OSBPL1A: variants seen among roughly 807,000 people sequenced by gnomAD.
The protein encoded by OSBPL1A is oxysterol-binding protein-related protein 1.
OSBPL1A carries 80 observed loss-of-function variants against 137.1 expected under a neutral mutation model. The ratio of observed to expected loss-of-function variants is 0.58; its 90% CI spans 0.49 to 0.70. The LOEUF (loss-of-function observed/expected upper bound fraction) is 0.70. OSBPL1A is among the 30% of genes least tolerant of loss of function. OSBPL1A has a pLI of 0.00. For synonymous variants in OSBPL1A, 365 were observed against 389.7 expected, an observed-to-expected ratio of 0.94 and a Z score of 0.75; for missense variants, 970 against 1,129.4, an observed-to-expected ratio of 0.86 and a Z score of 2.02.
chr18:24,389,491 A>G (rs1907175210), intron 1 of OSBPL1A, among the ~76,000 whole-genome samples: 1 of 152,228 alleles, frequency 6.6e-6, no homozygotes, highest in African/African-American at 2.4e-5. Context: ...CCCACTTAAT[A>G]TAGTAGATAA....
At chr18:24,247,477 T>A (rs1481408009) in intron 15 of OSBPL1A, among the ~76,000 whole-genome samples, 1 of 152,102 alleles carries the variant, frequency 6.6e-6, no homozygotes, top group East Asian at 1.9e-4. Context: ...GAGGTGTTTG[T>A]TTGTTTGAGA....
intron 17 of OSBPL1A, among the ~76,000 whole-genome samples, chr18:24,208,810 T>C (rs1408595001): frequency 1.3e-5 from 2 of 152,234 alleles, no homozygotes; most frequent in Non-Finnish European, 2.9e-5. Flanking sequence ...GAAACAATTA[T>C]TCCATAGTAT....
intron 15 of OSBPL1A, among the ~76,000 whole-genome samples, chr18:24,246,792 C>CAAA (rs56268385): frequency 1.2e-5 from 1 of 85,080 alleles, no homozygotes; most frequent in African/African-American, 4.1e-5. Context: ...CTCTGTCTCC[C>CAAA]AAAAAAAAAA....
In OSBPL1A at chr18:24,170,103, C is replaced by G. The variant is rs532356715; in HGVS notation, c.2418+224G>C. On this transcript the variant is annotated intron_variant, in intron 24 of 27. Transcript: ENST00000319481. ...AATTAAAGCAAAGCTCCACATATAACTGCTCCACAGTTAAAAAACTGATAG... is the reference window on the plus strand; with the variant it reads ...AATTAAAGCAAAGCTCCACATATAAGTGCTCCACAGTTAAAAAACTGATAG... Among the ~76,000 whole-genome samples the G allele has an allele frequency of 4.6e-5, 7 of 152,116 alleles. No homozygotes were observed. The South Asian group carries it at 1.5e-3, about 32-fold the overall frequency.
intron 17 of OSBPL1A, among the ~76,000 whole-genome samples, chr18:24,220,466 G>A (rs2087853664): frequency 6.6e-6 from 1 of 152,116 alleles, no homozygotes; most frequent in Non-Finnish European, 1.5e-5. Flanking sequence ...CAGGGAGCCG[G>A]GAGATAAAAG....
rs143943723 is a variant in OSBPL1A at position 24,314,818 on chromosome 18, G to T, written c.871-471C>A. Among the ~76,000 whole-genome samples the T allele has an allele frequency of 2.6e-3, 403 of 152,194 alleles. 2 individuals are homozygous for T. Among genetic ancestry groups the T allele is most frequent in the African/African-American group, 9.3e-3 (386 of 41,542 alleles). On this transcript the variant is annotated intron_variant, in intron 11 of 27. Coordinates refer to ENST00000319481, the MANE Select transcript of OSBPL1A (RefSeq NM_080597.4). ...TTATGGGTTTTAAAATAAAAATTTGGCATGAAAAGGATTTTAAGCCATTTA... is the reference window on the plus strand; with the variant it reads ...TTATGGGTTTTAAAATAAAAATTTGTCATGAAAAGGATTTTAAGCCATTTA...
intron 14 of OSBPL1A, among the ~76,000 whole-genome samples, chr18:24,281,931 T>C (rs1057141561): frequency 1.3e-5 from 2 of 152,072 alleles, no homozygotes; most frequent in African/African-American, 4.8e-5. Context: ...GTCAGATCAG[T>C]GGCAGCATTA....
At chr18:24,335,018 T>C (rs911001529) in intron 5 of OSBPL1A, among the ~76,000 whole-genome samples, 2 of 152,070 alleles carry the variant, frequency 1.3e-5, no homozygotes, top group Admixed American at 1.3e-4. Context: ...GCCTCCCAAG[T>C]AGCTGGGACC....
rs75988814 is a variant in OSBPL1A at position 24,326,559 on chromosome 18, C to A, written c.625+6383G>T. Among the ~76,000 whole-genome samples, 1,356 of 152,304 alleles carry A rather than the reference C, an allele frequency of 8.9e-3. 21 individuals are homozygous for A. Among genetic ancestry groups the A allele is most frequent in the African/African-American group, 0.031 (1,292 of 41,562 alleles). On this transcript the variant is annotated intron_variant, in intron 7 of 27. Transcript: ENST00000319481. ...GGGGCAGCCATCTTCCATTATGTAT[C>A]CTGGAAAACAAAACAGCTGGTCTGC...
intron 7 of OSBPL1A, among the ~76,000 whole-genome samples, chr18:24,332,696 T>C (rs991145070): frequency 6.6e-6 from 1 of 152,182 alleles, no homozygotes; most frequent in African/African-American, 2.4e-5. Flanking sequence ...AATTCAGTGC[T>C]GGTGGCAACT....
chr18:24,162,672 T>C lies in OSBPL1A; in HGVS notation c.*507A>G. ...AGGGGTAACATTGGGAGGATTAGTA[T>C]GAATAAAAGCCATCTTATCAATGAA... On this transcript the variant is annotated 3_prime_UTR_variant, in exon 28 of 28. Transcript: ENST00000319481. 1 of 152,280 alleles carries C rather than the reference T, an allele frequency of 6.6e-6. No individual in the cohort carries two copies. Among genetic ancestry groups the C allele is most frequent in the East Asian group, 1.9e-4 (1 of 5,204 alleles). The allele number at this position is 152,280 out of a possible 1,614,324, so 9.4% of individuals were successfully genotyped here.
Position 24,271,359 on chromosome 18 carries a change from G to A in OSBPL1A, c.1281+9483C>T, listed in dbSNP as rs1189437351. Among the ~76,000 whole-genome samples, 1 of 152,146 alleles carries A rather than the reference G, an allele frequency of 6.6e-6. No homozygotes were observed. Among genetic ancestry groups the A allele is most frequent in the Non-Finnish European group, 1.5e-5 (1 of 68,026 alleles). The stretch of plus-strand genomic sequence containing the variant: ...TCAACTGAGAAACACATCAGTCCAC[G>A]GGCTTTTTCCCCAGGGGCTCTTCCT... On this transcript the variant is annotated intron_variant, in intron 15 of 27. Transcript: ENST00000319481. The surrounding 1 kb of genome is among the most constrained non-coding windows in gnomAD (Gnocchi z 4.0).
intron 14 of OSBPL1A, among the ~76,000 whole-genome samples, chr18:24,281,248 G>C (rs1217018459): frequency 6.6e-5 from 10 of 151,966 alleles, no homozygotes; most frequent in African/African-American, 1.7e-4. Flanking sequence ...ACCACGCCCA[G>C]CTAATTTTTG....
At position 24,288,225 on chromosome 18, in the gene OSBPL1A, G is replaced by A. The variant is rs139385571; in HGVS notation, c.1175-7277C>T. 2.3e-3 allele frequency among the ~76,000 whole-genome samples: 356 copies of A among 152,250 alleles called. 1 individual carries two copies. The highest frequency in any genetic ancestry group is 8.1e-3 in the African/African-American group (337 of 41,528). ...ATTTCATACCTTGGAAACAACATAC[G>A]CTAAGACCCAAATGCATGAGAAAAG... On this transcript the variant is annotated intron_variant, in intron 14 of 27. Transcript: ENST00000319481.
chr18:24,214,348 T>C (rs181253798), intron 17 of OSBPL1A, among the ~76,000 whole-genome samples: 2 of 152,216 alleles, frequency 1.3e-5, no homozygotes, highest in Non-Finnish European at 2.9e-5. Flanking sequence ...CTAGGTCTCC[T>C]GCAGTGTGGA....
chr18:24,334,462 T>C (rs2091136512), intron 5 of OSBPL1A, 132 bp from the exon 6 acceptor site: 1 of 567,318 alleles, frequency 1.8e-6, no homozygotes, highest in Non-Finnish European at 2.9e-6. Flanking sequence ...TTAAAATTTA[T>C]TGTTATTACC....
chr18:24,239,994 C>T (rs962686928), intron 15 of OSBPL1A, among the ~76,000 whole-genome samples: 11 of 142,040 alleles, frequency 7.7e-5, no homozygotes, highest in African/African-American at 2.6e-4. Context: ...GGTGCGATCT[C>T]GACTCTGAAA....
In OSBPL1A at chr18:24,280,236, C is replaced by G. The variant is rs915686502; in HGVS notation, c.1281+606G>C. Among the ~76,000 whole-genome samples, 5 of 152,134 alleles carry G rather than the reference C, an allele frequency of 3.3e-5. No individual in the cohort carries two copies. The East Asian group carries it at 7.7e-4, about 23-fold the overall frequency. On this transcript the variant is annotated intron_variant, in intron 15 of 27. Transcript: ENST00000319481. The stretch of plus-strand genomic sequence containing the variant: ...CTGGGATTATAGGCGTGAGCCACCA[C>G]GCCTGGCCTAATTTTTGTATTTTTT...
rs1233005562 is a variant in OSBPL1A, at chr18:24,167,438, G to A, written c.2426C>T (p.Thr809Ile). 6.2e-7 allele frequency: 1 copy of A among 1,613,996 alleles called. No individual in the cohort carries two copies. Among genetic ancestry groups the A allele is most frequent in the East Asian group, 2.2e-5 (1 of 44,886 alleles). Residue 809 changes from threonine to isoleucine, a missense_variant, in exon 25 of 28, where the codon ACC becomes ATC. By Grantham distance (89) the Thr-to-Ile change is moderately conservative. This residue lies in a region of OSBPL1A where 323 missense variants were observed against 456.8 expected (regional missense o/e 0.71). Coordinates refer to ENST00000319481, the MANE Select transcript of OSBPL1A (RefSeq NM_080597.4). ...TGGCATTTCATCCAACTCCTCAGAG[G>A]TGCTCATCTAGAAAAACCAATCAAT... is the stretch of plus-strand genomic sequence containing the variant. ...EEKKNSKQMS[T>I]SEELDEMPVP...
Sources: gnomAD v4.1 joint callset for allele counts (sites outside exome capture counted in the v4.1 genomes callset) on GRCh38, gnomAD v4.1.1 for gene constraint, gnomAD v4.1.1 regional missense constraint, Gnocchi (gnomAD v3.1) non-coding constraint, MANE v1.5 for transcripts, NCBI Gene and HGNC (gene_info 2026-07-23, HGNC 2026-07-21) for gene names.